Variants in ADAMTS13 observed in about 807,000 individuals in gnomAD.
ADAMTS13 encodes the protein A disintegrin and metalloproteinase with thrombospondin motifs 13.
Under a neutral mutation model 155.1 loss-of-function variants are expected in ADAMTS13, and 110 were observed. The ratio of observed to expected loss-of-function variants is 0.71; its 90% CI spans 0.61 to 0.83. The LOEUF is 0.83. Ranked by LOEUF, ADAMTS13 falls within the 40% of genes least tolerant of loss-of-function variation. ADAMTS13 has a pLI of 0.00. For missense variants in ADAMTS13, 1,707 were observed against 1,891.7 expected, an observed-to-expected ratio of 0.90 and a Z score of 1.81; for synonymous variants, 758 against 756.4, an observed-to-expected ratio of 1.00 and a Z score of -0.03.
At chr9:133,416,740 G>A (rs1839637884) in intron 1 of ADAMTS13, among the ~76,000 whole-genome samples, 2 of 152,178 alleles carry the variant, frequency 1.3e-5, no homozygotes, top group South Asian at 2.1e-4. Context: ...GTTCCCAGCC[G>A]CAATCTTAGA....
At chr9:133,435,444 C>T (rs2130836002) in intron 11 of ADAMTS13, among the ~76,000 whole-genome samples, 1 of 151,862 alleles carries the variant, frequency 6.6e-6, no homozygotes, top group Middle Eastern at 3.4e-3. Flanking sequence ...CCGCCTTGGC[C>T]TCCCAAACTG....
intron 1 of ADAMTS13, chr9:133,414,774 T>C (rs1554781159): frequency 6.2e-7 from 1 of 1,614,212 alleles, no homozygotes; most frequent in Admixed American, 1.7e-5. Flanking sequence ...CCTTTCTTAT[T>C]GTGCTCTGTT....
intron 28 of ADAMTS13, 79 bp downstream of exon 28, chr9:133,458,173 A>G: frequency 6.6e-7 from 1 of 1,510,864 alleles, no homozygotes; most frequent in Non-Finnish European, 9.0e-7. Flanking sequence ...GACCCCCTTC[A>G]GTTTATTTCA....
In ADAMTS13 at chr9:133,446,242, A is replaced by C. The variant is rs922774105; in HGVS notation, c.2731+423A>C. On this transcript the variant is annotated intron_variant, in intron 21 of 28. Coordinates refer to ENST00000355699, the MANE Select transcript of ADAMTS13 (RefSeq NM_139027.6). ...TCCCTGTGCAGGTCAGTGGCATAAA[A>C]GCACAGTCACATTGTTGTGCGGCCA... 1.2e-4 allele frequency among the ~76,000 whole-genome samples: 18 copies of C among 152,324 alleles called. No homozygotes were observed. The East Asian group carries it at 3.1e-3, about 26-fold the overall frequency.
rs1044871968 is a variant in ADAMTS13, at chr9:133,458,041, C to T, written c.3856C>T (p.Leu1286=). ...GCACGCACGGATTGCCATCCATGCC[C>T]TGGCCACCAACATGGGCGCTGGGAC... ...APHARIAIHA[L]ATNMGAGTEG... is the part of the protein sequence containing the mutation. The change falls in exon 28 of 29, where the codon CTG becomes TTG. Residue 1286 remains leucine (L), a synonymous_variant. Coordinates refer to ENST00000355699, the MANE Select transcript of ADAMTS13 (RefSeq NM_139027.6). 1.9e-6 allele frequency: 3 copies of T among 1,613,378 alleles called. No individual in the cohort carries two copies. The highest frequency in any genetic ancestry group is 1.3e-5 in the African/African-American group (1 of 74,934).
upstream of ADAMTS13, chr9:133,421,977 G>C (rs1305151217): frequency 1.1e-5 from 2 of 190,252 alleles, no homozygotes; most frequent in South Asian, 1.2e-4. Flanking sequence ...CGCAGGCACA[G>C]AGTAGGTGGA....
chr9:133,449,161 A>C (rs926681183), intron 22 of ADAMTS13, among the ~76,000 whole-genome samples: 1 of 152,180 alleles, frequency 6.6e-6, no homozygotes, highest in African/African-American at 2.4e-5. Flanking sequence ...TGCTCGATGC[A>C]ACGCGTGTAA....
chr9:133,438,459 CAG>C (rs1168881779), intron 14 of ADAMTS13, 93 bp downstream of exon 14: 22 of 1,560,958 alleles, frequency 1.4e-5, no homozygotes, highest in Non-Finnish European at 1.9e-5. Context: ...GCTCAGGTCA[CAG>C]GGCCTGCACA....
In ADAMTS13 at chr9:133,425,444, C is replaced by G. The variant is rs904348559; in HGVS notation, c.331-85C>G. ...GGAGTAGCCTCTCCAGCTCTTCACACTCCGGGGGCCCCTGGGAGTCAGCAG... is the reference window on the plus strand; with the variant it reads ...GGAGTAGCCTCTCCAGCTCTTCACAGTCCGGGGGCCCCTGGGAGTCAGCAG... On this transcript the variant is annotated intron_variant, in intron 3 of 28. Coordinates refer to ENST00000355699, the MANE Select transcript of ADAMTS13 (RefSeq NM_139027.6). This position sits in a 1 kb window ranked among gnomAD's most constrained non-coding sequence, Gnocchi z 4.6. 5.5e-6 allele frequency: 7 copies of G among 1,279,714 alleles called. No individual in the cohort carries two copies. The Admixed American group carries it at 8.0e-5, about 15-fold the overall frequency. The allele number at this position is 1,279,714 out of a possible 1,614,324, so 79.3% of individuals were successfully genotyped here. A position where few individuals can be genotyped will look rare whatever the true frequency, so the allele number is the denominator to read the frequency against.
chr9:133,454,439 A>G lies in ADAMTS13; in HGVS notation c.3069A>G (p.Pro1023=). The change falls in exon 24 of 29, where the codon CCA becomes CCG. Residue 1023 remains proline (P), a synonymous_variant. Transcript: ENST00000355699. ...PPRWKVMSLG[P]CSASCGLGTA... is the part of the protein sequence containing the mutation. ...GGTGGAAAGTCATGTCCCTTGGCCC[A>G]TGTTCGGCCAGCTGTGGCCTTGGCA... 1 of 1,613,802 alleles carries G rather than the reference A, an allele frequency of 6.2e-7. No homozygotes were observed. Among genetic ancestry groups the G allele is most frequent in the Non-Finnish European group, 8.5e-7 (1 of 1,180,016 alleles).
chr9:133,431,534 G>A (rs900018509), intron 8 of ADAMTS13, among the ~76,000 whole-genome samples: 1 of 151,874 alleles, frequency 6.6e-6, no homozygotes, highest in Non-Finnish European at 1.5e-5. Context: ...CATCATGTTG[G>A]CCGGGCTGGT....
intron 19 of ADAMTS13, 146 bp downstream of exon 19, chr9:133,443,707 C>A: frequency 5.5e-6 from 5 of 904,492 alleles, no homozygotes; most frequent in South Asian, 3.7e-5. Flanking sequence ...TGTCACCTGG[C>A]GGTTGTAAGT....
intron 21 of ADAMTS13, among the ~76,000 whole-genome samples, chr9:133,447,294 C>CTATTT (rs57814208): frequency 6.6e-6 from 1 of 151,594 alleles, no homozygotes; most frequent in South Asian, 2.1e-4. Context: ...TTCTTTTTCT[C>CTATTT]TCTTTTCTTT....
upstream of ADAMTS13, chr9:133,417,915 A>G (rs1240030237): frequency 4.1e-6 from 6 of 1,450,972 alleles, no homozygotes; most frequent in East Asian, 1.2e-4. Flanking sequence ...GCGCCCTGGC[A>G]GCACAAGCGC....
intron 7 of ADAMTS13, 198 bp from the exon 8 acceptor site, chr9:133,429,741 T>C: frequency 1.3e-6 from 1 of 772,328 alleles, no homozygotes; most frequent in Non-Finnish European, 2.2e-6. Context: ...GCCACCCACC[T>C]CTGCGCCGGC....
chr9:133,418,090 C>T (rs1003934496), upstream of ADAMTS13: 4 of 534,402 alleles, frequency 7.5e-6, no homozygotes, highest in African/African-American at 8.0e-5. Flanking sequence ...GCCTCTGGTT[C>T]CGCGCAGCCT....
At chr9:133,454,712 C>T (rs1198118717) in intron 24 of ADAMTS13, 93 bp downstream of exon 24, 20 of 1,422,412 alleles carry the variant, frequency 1.4e-5, no homozygotes, top group Admixed American at 2.0e-5. Context: ...GGCATTGGCT[C>T]ATCGTGTCCC....
intron 8 of ADAMTS13, among the ~76,000 whole-genome samples, chr9:133,430,940 A>G (rs1269239112): frequency 6.6e-6 from 1 of 151,812 alleles, no homozygotes; most frequent in Non-Finnish European, 1.5e-5. Context: ...GATTACAGGC[A>G]TGAGCCACAG....
In ADAMTS13 at chr9:133,424,514, G is replaced by A. The variant is rs782049664; in HGVS notation, c.330+36G>A. On this transcript the variant is annotated intron_variant, in intron 3 of 28. Transcript: ENST00000355699. The surrounding 1 kb of genome is among the most constrained non-coding windows in gnomAD (Gnocchi z 4.3). ...CACGCTGGACTGTGCAGGTCCCCAC[G>A]GCCAGGGCTGGTGACCAATGTCTGT... 5 of 1,589,566 alleles carry A rather than the reference G, an allele frequency of 3.1e-6. No homozygotes were observed. Among genetic ancestry groups the A allele is most frequent in the African/African-American group, 1.3e-5 (1 of 74,252 alleles).
Sources: gnomAD v4.1 joint callset for allele counts (sites outside exome capture counted in the v4.1 genomes callset) on GRCh38, gnomAD v4.1.1 for gene constraint, Gnocchi (gnomAD v3.1) non-coding constraint, MANE v1.5 for transcripts, NCBI Gene and HGNC (gene_info 2026-07-23, HGNC 2026-07-21) for gene names.